CFAP46: variants seen among roughly 807,000 people sequenced by gnomAD.
CFAP46 encodes cilia and flagella associated protein 46.
In CFAP46, 245 loss-of-function variants were observed where a neutral mutation model predicts 325.7. The observed-to-expected ratio is 0.75, with a 90% CI of 0.68 to 0.84. CFAP46 has a LOEUF of 0.84. CFAP46 is among the 40% of genes least tolerant of loss of function. CFAP46 has a pLI of 0.00. For synonymous variants in CFAP46, 1,523 were observed against 1,495.9 expected, an observed-to-expected ratio of 1.02 and a Z score of -0.42; for missense variants, 3,346 against 3,543.0, an observed-to-expected ratio of 0.94 and a Z score of 1.41.
At chr10:132,887,942 A>C (rs1347640704) in intron 25 of CFAP46, among the ~76,000 whole-genome samples, 65 of 18,704 alleles carry the variant, frequency 3.5e-3, no homozygotes, top group Admixed American at 5.0e-3. Context: ...CTCCTCTTTC[A>C]CCTCTCTCTC....
At chr10:132,922,326 C>A in intron 12 of CFAP46, 102 bp from the exon 13 acceptor site, 1 of 1,478,916 alleles carries the variant, frequency 6.8e-7, no homozygotes, top group South Asian at 1.4e-5. Flanking sequence ...CCTGTGTGGT[C>A]CTCGTGCTCA....
At chr10:132,921,058 G>A (rs927215016) in intron 13 of CFAP46, among the ~76,000 whole-genome samples, 1 of 152,208 alleles carries the variant, frequency 6.6e-6, no homozygotes, top group Non-Finnish European at 1.5e-5. Context: ...TCCAAGAGTC[G>A]CCAACCTTCC....
intron 4 of CFAP46, 98 bp downstream of exon 4, chr10:132,940,898 G>A (rs1047843462): frequency 2.4e-6 from 3 of 1,227,770 alleles, no homozygotes; most frequent in Non-Finnish European, 3.6e-6. Context: ...CAAACGAGGG[G>A]AAACCCCACA....
intron 50 of CFAP46, among the ~76,000 whole-genome samples, chr10:132,815,834 T>C (rs1464054396): frequency 6.6e-6 from 1 of 152,108 alleles, no homozygotes; most frequent in Non-Finnish European, 1.5e-5. Context: ...TGGCAGCTTA[T>C]CTTTTTATGT....
chr10:132,881,325 C>T (rs1029521606), intron 27 of CFAP46, among the ~76,000 whole-genome samples: 1 of 152,166 alleles, frequency 6.6e-6, no homozygotes, highest in African/African-American at 2.4e-5. Context: ...TCCCGGGTCC[C>T]CAGACATTCC....
rs547311029 is a variant in CFAP46, at chr10:132,890,645, A to G, written c.3304+1688T>C. Among the ~76,000 whole-genome samples the G allele has an allele frequency of 6.6e-5, 10 of 152,048 alleles. No individual in the cohort carries two copies. The South Asian group carries it at 1.9e-3, about 29-fold the overall frequency. ...AAAACCCTCGAGACCCCTATCCCCA[A>G]ACTCCTCAGGGAGGTGGGTCTGAGG... On this transcript the variant is annotated intron_variant, in intron 25 of 57. Coordinates refer to ENST00000368586, the MANE Select transcript of CFAP46 (RefSeq NM_001200049.3).
intron 50 of CFAP46, among the ~76,000 whole-genome samples, chr10:132,820,883 CTGTG>C (rs1194588411): frequency 3.1e-5 from 2 of 64,934 alleles, no homozygotes; most frequent in East Asian, 5.2e-4. Context: ...CTGATGTGTG[CTGTG>C]TGTGTGCTGA....
rs988339634 is a variant in CFAP46, at chr10:132,942,449, G to T, written c.36C>A (p.Ala12=). The change falls in exon 1 of 58, where the codon GCC becomes GCA. Residue 12 remains alanine, a synonymous_variant. Coordinates refer to ENST00000368586, the MANE Select transcript of CFAP46 (RefSeq NM_001200049.3). ...DLVITQELAR[A]ESQQDAASLK... ...GCCTGGGGTCACCTTGCTGGCTCTC[G>T]GCGCGGGCCAGCTCCTGCGTGATGA... is the stretch of plus-strand genomic sequence containing the variant. 1.0e-5 allele frequency: 14 copies of T among 1,340,828 alleles called. No homozygotes were observed. The African/African-American group carries it at 2.1e-4, about 21-fold the overall frequency. The allele number at this position is 1,340,828 out of a possible 1,614,324, so 83.1% of individuals were successfully genotyped here.
chr10:132,881,761 G>A (rs553482818), intron 27 of CFAP46, among the ~76,000 whole-genome samples: 4 of 152,390 alleles, frequency 2.6e-5, no homozygotes, highest in East Asian at 3.9e-4. Context: ...GGTGGACCTC[G>A]CACTGGCACC....
At position 132,904,097 on chromosome 10, in the gene CFAP46, G is replaced by A. The variant is rs577688794; in HGVS notation, c.2924+4371C>T. ...ACTCTGTGGCAAATTCCATGCTAGA[G>A]TTTCTACACATAATTTTCAAAACGG... On this transcript the variant is annotated intron_variant, in intron 22 of 57. Transcript: ENST00000368586. Among the ~76,000 whole-genome samples, 29 of 152,344 alleles carry A rather than the reference G, an allele frequency of 1.9e-4. No homozygotes were observed. In the South Asian group the frequency reaches 5.4e-3, roughly 28 times the overall value.
intron 8 of CFAP46, 96 bp from the exon 9 acceptor site, chr10:132,929,900 G>A: frequency 1.2e-6 from 1 of 818,386 alleles, no homozygotes; most frequent in Non-Finnish European, 1.9e-6. Context: ...AGCAGAAGCA[G>A]GAAATAAAGG....
At chr10:132,880,800 C>T in intron 28 of CFAP46, 61 bp downstream of exon 28, 1 of 1,511,572 alleles carries the variant, frequency 6.6e-7, no homozygotes, top group Non-Finnish European at 8.9e-7. Context: ...GATCACGGAG[C>T]AGGAAGCAGA....
rs560650825 is a variant in CFAP46 at position 132,912,462 on chromosome 10, CCT to C, written c.2499+191_2499+192del. ...CTCCTCTCCTCTCTCTCTCTCTTCA[CCT>C]CTCTCTCTCTTCACATCTCTCTCTC... On this transcript the variant is annotated intron_variant, in intron 19 of 57. Coordinates refer to ENST00000368586, the MANE Select transcript of CFAP46 (RefSeq NM_001200049.3). 1.4e-3 allele frequency among the ~76,000 whole-genome samples: 187 copies of C among 130,002 alleles called. 1 individual carries two copies. Among genetic ancestry groups the C allele is most frequent in the African/African-American group, 4.9e-3 (166 of 34,160 alleles). 85.3% of individuals were successfully genotyped at this position (130,002 alleles called of 152,430 possible). A position where few individuals can be genotyped will look rare whatever the true frequency, so the allele number is the denominator to read the frequency against.
At chr10:132,935,626 C>A (rs1242158378) in intron 7 of CFAP46, among the ~76,000 whole-genome samples, 1 of 143,532 alleles carries the variant, frequency 7.0e-6, no homozygotes, top group African/African-American at 2.7e-5. Flanking sequence ...GGCACCCAAA[C>A]ACACTGTGAT....
chr10:132,941,155 G>T, intron 3 of CFAP46, 95 bp from the exon 4 acceptor site: 1 of 1,235,888 alleles, frequency 8.1e-7, no homozygotes, highest in Non-Finnish European at 1.2e-6. Flanking sequence ...GGTTGGCCTG[G>T]TACCCCCTGT....
At chr10:132,836,294 T>C in intron 45 of CFAP46, 76 bp from the exon 46 acceptor site, 2 of 1,429,264 alleles carry the variant, frequency 1.4e-6, no homozygotes, top group Non-Finnish European at 2.0e-6. Flanking sequence ...TCCAGCGACC[T>C]CAGAGGAGCC....
At chr10:132,821,318 CTGTG>C (rs1284152386) in intron 50 of CFAP46, among the ~76,000 whole-genome samples, 18 of 105,774 alleles carry the variant, frequency 1.7e-4, no homozygotes, top group South Asian at 1.0e-3. Flanking sequence ...GTTGTGTGTG[CTGTG>C]TGAGTGCTGA....
In CFAP46 at chr10:132,877,217, G is replaced by C. The variant is rs1488442418; in HGVS notation, c.4213-256C>G. On this transcript the variant is annotated intron_variant, in intron 30 of 57. Coordinates refer to ENST00000368586, the MANE Select transcript of CFAP46 (RefSeq NM_001200049.3). This position sits in a 1 kb window ranked among gnomAD's most constrained non-coding sequence, Gnocchi z 5.7. ...AGGCTCAGGACTCCCGAGAGCTAAG[G>C]CTCTGCAGCCTCTGCCTCCTGCGTC... Among the ~76,000 whole-genome samples the C allele has an allele frequency of 5.3e-5, 8 of 152,190 alleles. No homozygotes were observed. Among genetic ancestry groups the C allele is most frequent in the African/African-American group, 1.9e-4 (8 of 41,452 alleles).
rs185887176 is a variant in CFAP46, at chr10:132,938,655, G to A, written c.470C>T (p.Ser157Phe). Residue 157 changes from serine to phenylalanine, a missense_variant, in exon 5 of 58, where the codon TCC (serine) becomes TTC (phenylalanine). Coordinates refer to ENST00000368586, the MANE Select transcript of CFAP46 (RefSeq NM_001200049.3). The part of the protein sequence containing the change: ...GYRHHLIPSL[S>F]QIINVLSQTE... ...CTGACTCAGCACGTTTATGATTTGG[G>A]AAAGGCTGGGGATCAGATGGTGACG... 1.9e-6 allele frequency: 3 copies of A among 1,613,752 alleles called. No homozygotes were observed. The East Asian group carries it at 6.7e-5, about 36-fold the overall frequency.
Sources: gnomAD v4.1 joint callset for allele counts (sites outside exome capture counted in the v4.1 genomes callset) on GRCh38, gnomAD v4.1.1 for gene constraint, Gnocchi (gnomAD v3.1) non-coding constraint, MANE v1.5 for transcripts, NCBI Gene and HGNC (gene_info 2026-07-23, HGNC 2026-07-21) for gene names.